Variants in UBE2E2 observed in about 807,000 individuals in gnomAD.
UBE2E2 encodes the protein ubiquitin-conjugating enzyme E2 E2.
Under a neutral mutation model 24.7 loss-of-function variants are expected in UBE2E2, and 6 were observed. The ratio of observed to expected loss-of-function variants is 0.24; its 90% CI spans 0.13 to 0.48. The LOEUF is 0.48. Among genes scored for constraint, UBE2E2 ranks in the 20% least tolerant of loss-of-function variants. The probability of loss-of-function intolerance (pLI) is 0.99; values close to 1 mark genes in which losing one functional copy is unlikely to be tolerated. For missense variants in UBE2E2, 169 were observed against 245.0 expected (o/e 0.69, Z 2.07); for synonymous variants, 104 against 83.6 (o/e 1.24, Z -1.33).
At position 23,226,644 on chromosome 3, in the gene UBE2E2, G is replaced by A. The variant is rs769805763; in HGVS notation, c.227+9332G>A. On this transcript the variant is annotated intron_variant, in intron 3 of 5. Coordinates refer to ENST00000396703, the MANE Select transcript of UBE2E2 (RefSeq NM_152653.4). ...TGGCTTTACGTAAGAGAATGAATGA[G>A]AGCAGAAACATAAAAGGGGAGAATT... Among the ~76,000 whole-genome samples, 5 of 152,284 alleles carry A rather than the reference G, an allele frequency of 3.3e-5. No homozygotes were observed. The South Asian group carries it at 6.2e-4, about 19-fold the overall frequency.
intron 3 of UBE2E2, among the ~76,000 whole-genome samples, chr3:23,274,782 A>C (rs1047266681): frequency 6.6e-6 from 1 of 152,194 alleles, no homozygotes; most frequent in Non-Finnish European, 1.5e-5. Context: ...AAATATTCTG[A>C]GTAGCTCTTA....
chr3:23,345,186 T>C (rs934066542), intron 3 of UBE2E2, among the ~76,000 whole-genome samples: 1 of 152,190 alleles, frequency 6.6e-6, no homozygotes, highest in Non-Finnish European at 1.5e-5. Context: ...TTGCAACTGA[T>C]CTTTATAAGC....
At chr3:23,370,330 T>G (rs887102990) in intron 3 of UBE2E2, among the ~76,000 whole-genome samples, 1 of 152,200 alleles carries the variant, frequency 6.6e-6, no homozygotes, top group African/African-American at 2.4e-5. Context: ...CTGTTCAGAG[T>G]GAATTCACTA....
At chr3:23,233,183 A>T (rs1449180826) in intron 3 of UBE2E2, among the ~76,000 whole-genome samples, 2 of 152,190 alleles carry the variant, frequency 1.3e-5, no homozygotes, top group African/African-American at 4.8e-5. Context: ...AATGTGAGAA[A>T]GTAGGACTGT....
chr3:23,543,211 ACAAT>A (rs1209206417), intron 5 of UBE2E2, among the ~76,000 whole-genome samples: 1 of 152,194 alleles, frequency 6.6e-6, no homozygotes, highest in Non-Finnish European at 1.5e-5. Context: ...CCTAGCCAGA[ACAAT>A]CATTCAAGAG....
chr3:23,216,678 A>AT (rs1002463868), intron 2 of UBE2E2, among the ~76,000 whole-genome samples: 51 of 148,114 alleles, frequency 3.4e-4, no homozygotes, highest in South Asian at 6.4e-4. Flanking sequence ...GCAGGCTTAA[A>AT]TTTTTTTTTT....
chr3:23,516,148 C>T (rs1385629564), intron 4 of UBE2E2, among the ~76,000 whole-genome samples: 1 of 152,164 alleles, frequency 6.6e-6, no homozygotes, highest in Non-Finnish European at 1.5e-5. Flanking sequence ...TGTTCTATTA[C>T]TGTATTTCTA....
intron 3 of UBE2E2, among the ~76,000 whole-genome samples, chr3:23,421,014 G>T (rs1194214772): frequency 1.3e-5 from 2 of 152,206 alleles, no homozygotes; most frequent in Non-Finnish European, 2.9e-5. Flanking sequence ...TTATAGGAGG[G>T]AAGATTTGAC....
intron 3 of UBE2E2, among the ~76,000 whole-genome samples, chr3:23,421,461 A>G (rs191665865): frequency 1.5e-4 from 23 of 152,318 alleles, no homozygotes; most frequent in African/African-American, 4.8e-4. Context: ...AGCAACATGG[A>G]TAGAACTGGA....
At chr3:23,313,643 A>G (rs1694478347) in intron 3 of UBE2E2, among the ~76,000 whole-genome samples, 1 of 151,974 alleles carries the variant, frequency 6.6e-6, no homozygotes, top group South Asian at 2.1e-4. Flanking sequence ...TCGGCCTCCC[A>G]AAGTGCTGGG....
rs1162096654 is a variant in UBE2E2, at chr3:23,436,506, G to T, written c.228-63102G>T. Among the ~76,000 whole-genome samples, 3 of 151,268 alleles carry T rather than the reference G, an allele frequency of 2.0e-5. No homozygotes were observed. In the East Asian group the frequency reaches 5.8e-4, roughly 29 times the overall value. On this transcript the variant is annotated intron_variant, in intron 3 of 5. Coordinates refer to ENST00000396703, the MANE Select transcript of UBE2E2 (RefSeq NM_152653.4). ...TCATTTAGAAGACATTTGAAGATTT[G>T]TTTTCCTTTAAAGGAAAATCTGAGT...
chr3:23,399,373 C>G (rs191205427), intron 3 of UBE2E2, among the ~76,000 whole-genome samples: 1 of 152,192 alleles, frequency 6.6e-6, no homozygotes, highest in Admixed American at 6.5e-5. Context: ...GAGATGGCTG[C>G]CTAAGTGACT....
chr3:23,579,780 G>A (rs1575721540), intron 5 of UBE2E2, among the ~76,000 whole-genome samples: 1 of 152,168 alleles, frequency 6.6e-6, no homozygotes, highest in Non-Finnish European at 1.5e-5. Context: ...ATCTGACCAA[G>A]GTAAATTGAA....
At chr3:23,353,594 A>C (rs1483574007) in intron 3 of UBE2E2, among the ~76,000 whole-genome samples, 1 of 152,188 alleles carries the variant, frequency 6.6e-6, no homozygotes, top group African/African-American at 2.4e-5. Flanking sequence ...CACCAATAGC[A>C]GACAAACAGA....
At chr3:23,390,989 A>G (rs566351715) in intron 3 of UBE2E2, among the ~76,000 whole-genome samples, 1 of 152,394 alleles carries the variant, frequency 6.6e-6, no homozygotes, top group African/African-American at 2.4e-5. Context: ...TAATGGTTAT[A>G]TAACAACTAA....
At chr3:23,250,390 A>G (rs576038911) in intron 3 of UBE2E2, among the ~76,000 whole-genome samples, 1 of 152,314 alleles carries the variant, frequency 6.6e-6, no homozygotes, top group East Asian at 1.9e-4. Flanking sequence ...ATACTCAGTA[A>G]AATTTTTCTG....
At chr3:23,448,325 C>T (rs545931909) in intron 3 of UBE2E2, among the ~76,000 whole-genome samples, 7 of 152,242 alleles carry the variant, frequency 4.6e-5, no homozygotes, top group Admixed American at 3.3e-4. Flanking sequence ...ATTCTTACAT[C>T]TTTGGCAATG....
intron 5 of UBE2E2, among the ~76,000 whole-genome samples, chr3:23,554,763 A>C (rs1490511200): frequency 1.3e-5 from 2 of 152,196 alleles, no homozygotes; most frequent in Non-Finnish European, 2.9e-5. Flanking sequence ...ACAGCAAAAG[A>C]AACAACAAAA....
chr3:23,491,748 AG>A (rs1699501005), intron 3 of UBE2E2, among the ~76,000 whole-genome samples: 1 of 152,210 alleles, frequency 6.6e-6, no homozygotes, highest in African/African-American at 2.4e-5. Flanking sequence ...GGGAAGCAAA[AG>A]ATCCTACTTA....
Sources: gnomAD v4.1 joint callset for allele counts (sites outside exome capture counted in the v4.1 genomes callset) on GRCh38, gnomAD v4.1.1 for gene constraint, MANE v1.5 for transcripts, NCBI Gene and HGNC (gene_info 2026-07-23, HGNC 2026-07-21) for gene names.